TMEM132D: variants seen among roughly 807,000 people sequenced by gnomAD.
The protein encoded by TMEM132D is mature OL transmembrane protein.
A neutral mutation model predicts 62.3 loss-of-function variants in TMEM132D; 21 were observed. That is an observed-to-expected ratio of 0.34 (90% CI 0.24 to 0.49). The LOEUF is 0.49. Among genes scored for constraint, TMEM132D ranks in the 20% least tolerant of loss-of-function variants. TMEM132D has a pLI of 0.99. For missense variants in TMEM132D, 1,346 were observed against 1,402.8 expected, an observed-to-expected ratio of 0.96 and a Z score of 0.65; for synonymous variants, 621 against 575.6, an observed-to-expected ratio of 1.08 and a Z score of -1.13.
intron 2 of TMEM132D, among the ~76,000 whole-genome samples, chr12:129,620,407 T>C (rs1879033821): frequency 6.6e-6 from 1 of 152,184 alleles, no homozygotes; most frequent in Admixed American, 6.5e-5. Flanking sequence ...GAGGCCAGCC[T>C]GGACAACATG....
chr12:129,637,325 A>G (rs1020368529), intron 2 of TMEM132D, among the ~76,000 whole-genome samples: 1 of 152,228 alleles, frequency 6.6e-6, no homozygotes. Context: ...TTTTGAATAC[A>G]CTGGGAAGAG....
intron 2 of TMEM132D, among the ~76,000 whole-genome samples, chr12:129,670,145 G>A (rs187644735): frequency 2.0e-5 from 3 of 152,142 alleles, no homozygotes; most frequent in Non-Finnish European, 2.9e-5. Context: ...TAACTTAACC[G>A]ACTCCACCTT....
chr12:129,612,138 C>A (rs1878792615), intron 2 of TMEM132D, among the ~76,000 whole-genome samples: 1 of 152,150 alleles, frequency 6.6e-6, no homozygotes. Context: ...ACACAGCAGA[C>A]CATGGGCTGT....
chr12:129,315,100 T>C (rs1868439606), intron 4 of TMEM132D, among the ~76,000 whole-genome samples: 1 of 152,172 alleles, frequency 6.6e-6, no homozygotes, highest in African/African-American at 2.4e-5. Flanking sequence ...ACAATGACAA[T>C]TTGACTTCCT....
At position 129,699,945 on chromosome 12, in the gene TMEM132D, T is replaced by C. The variant is rs1881337070; in HGVS notation, c.833A>G (p.Lys278Arg). The change falls in exon 2 of 9, where the codon AAA becomes AGA. Residue 278 changes from lysine to arginine, a missense_variant. Physicochemically the swap from Lys to Arg is conservative, Grantham distance 26. Transcript: ENST00000422113. The part of the protein sequence containing the change: ...GSIFLYQTHR[K>R]PSLRELRLDN... ...CAGACGCAGTTCTCTCAGGGAGGGT[T>C]TCCTGTGTGTCTGATAAAGGAAGAT... is the stretch of plus-strand genomic sequence containing the variant. The C allele has an allele frequency of 1.9e-6, 3 of 1,614,120 alleles. No homozygotes were observed. Among genetic ancestry groups the C allele is most frequent in the South Asian group, 1.1e-5 (1 of 91,084 alleles).
intron 3 of TMEM132D, among the ~76,000 whole-genome samples, chr12:129,415,492 G>A (rs73426631): frequency 0.038 from 5,829 of 152,256 alleles, 383 homozygotes; most frequent in African/African-American, 0.13. Flanking sequence ...ACAAGTGAGC[G>A]GACATAGATA....
chr12:129,119,862 G>A (rs980394691), intron 5 of TMEM132D, among the ~76,000 whole-genome samples: 1 of 152,068 alleles, frequency 6.6e-6, no homozygotes, highest in African/African-American at 2.4e-5. Context: ...ATAAAATAGG[G>A]CAACAAACTG....
intron 4 of TMEM132D, among the ~76,000 whole-genome samples, chr12:129,248,298 A>C (rs1263534300): frequency 6.6e-6 from 1 of 152,182 alleles, no homozygotes; most frequent in Non-Finnish European, 1.5e-5. Context: ...ATCCCACACT[A>C]ATTAACTGAA....
Position 129,239,768 on chromosome 12 carries a change from C to T in TMEM132D, c.1300-30105G>A, listed in dbSNP as rs1478376509. Among the ~76,000 whole-genome samples the T allele has an allele frequency of 3.3e-5, 5 of 152,182 alleles. 1 individual carries two copies. The highest frequency in any genetic ancestry group is 7.3e-5 in the Non-Finnish European group (5 of 68,040). ...GATCTTCCCCTAGAGTCTTAGGAGA[C>T]AGAGCATGGTTCTGCTAACACATTG... On this transcript the variant is annotated intron_variant, in intron 4 of 8. Coordinates refer to ENST00000422113, the MANE Select transcript of TMEM132D (RefSeq NM_133448.3).
chr12:129,625,843 T>C (rs1879198748), intron 2 of TMEM132D, among the ~76,000 whole-genome samples: 1 of 152,232 alleles, frequency 6.6e-6, no homozygotes, highest in South Asian at 2.1e-4. Flanking sequence ...AGAGGGGGTA[T>C]GTGTAAAGTC....
intron 2 of TMEM132D, among the ~76,000 whole-genome samples, chr12:129,614,334 G>A (rs536340405): frequency 2.6e-5 from 4 of 152,332 alleles, no homozygotes; most frequent in Non-Finnish European, 4.4e-5. Context: ...AGTTCCCATA[G>A]CTCAGTGAGC....
At chr12:129,649,211 A>C (rs1400401518) in intron 2 of TMEM132D, among the ~76,000 whole-genome samples, 1 of 152,138 alleles carries the variant, frequency 6.6e-6, no homozygotes, top group Non-Finnish European at 1.5e-5. Context: ...TAGTTTGTTT[A>C]CTCCAGTCAG....
At chr12:129,079,827 CAG>C (rs1376288422) in intron 7 of TMEM132D, among the ~76,000 whole-genome samples, 6 of 152,088 alleles carry the variant, frequency 3.9e-5, no homozygotes, top group Non-Finnish European at 7.4e-5. Context: ...CAGGAGGACA[CAG>C]TGAGAAAAAA....
intron 5 of TMEM132D, among the ~76,000 whole-genome samples, chr12:129,088,745 GGGGTGTCCTCCATGACC>G (rs1874772795): frequency 2.7e-5 from 1 of 37,340 alleles, no homozygotes; most frequent in Non-Finnish European, 4.9e-5. Context: ...CTCCATGACC[GGGGTGTCCTCCATGACC>G]GGGTGTCCTC....
intron 1 of TMEM132D, among the ~76,000 whole-genome samples, chr12:129,770,037 C>G (rs1356084814): frequency 6.6e-6 from 1 of 151,362 alleles, no homozygotes; most frequent in Non-Finnish European, 1.5e-5. Flanking sequence ...TGAAGCTGGT[C>G]TCGAACTCCT....
chr12:129,288,979 A>T (rs1797784618), intron 4 of TMEM132D, among the ~76,000 whole-genome samples: 1 of 152,216 alleles, frequency 6.6e-6, no homozygotes, highest in Non-Finnish European at 1.5e-5. Context: ...AGCCAGTCAC[A>T]GAAGGACAAA....
intron 1 of TMEM132D, among the ~76,000 whole-genome samples, chr12:129,887,869 G>A (rs1469758405): frequency 6.6e-6 from 1 of 152,048 alleles, no homozygotes; most frequent in Non-Finnish European, 1.5e-5. Flanking sequence ...CCCTAATTAA[G>A]TAAATCAAGC....
At chr12:129,480,838 G>A (rs1173745399) in intron 3 of TMEM132D, among the ~76,000 whole-genome samples, 1 of 152,224 alleles carries the variant, frequency 6.6e-6, no homozygotes, top group Non-Finnish European at 1.5e-5. Context: ...ATCCACTTCT[G>A]AGATGTGTCC....
chr12:129,830,942 G>A (rs985711865), intron 1 of TMEM132D, among the ~76,000 whole-genome samples: 1 of 152,072 alleles, frequency 6.6e-6, no homozygotes, highest in African/African-American at 2.4e-5. Context: ...TCAAGTGTTG[G>A]AGACACCCCA....
Sources: allele counts gnomAD v4.1 joint callset (sites outside exome capture counted in the v4.1 genomes callset), GRCh38; gene constraint gnomAD v4.1.1; transcripts MANE v1.5; gene names NCBI Gene and HGNC (gene_info 2026-07-23, HGNC 2026-07-21).